SYN3: variants seen among roughly 807,000 people sequenced by gnomAD.
The protein encoded by SYN3 is synapsin-3.
In SYN3, 35 loss-of-function variants were observed where a neutral mutation model predicts 65.8. The ratio of observed to expected loss-of-function variants is 0.53; its 90% CI spans 0.41 to 0.70. SYN3 has a LOEUF of 0.70. Among genes scored for constraint, SYN3 ranks in the 30% least tolerant of loss-of-function variants. SYN3 has a pLI of 0.00. For missense variants in SYN3, 680 were observed against 749.0 expected, an observed-to-expected ratio of 0.91 and a Z score of 1.08; for synonymous variants, 270 against 292.9, an observed-to-expected ratio of 0.92 and a Z score of 0.80.
chr22:32,958,964 G>A lies in SYN3; in HGVS notation c.369+21681C>T, dbSNP rs780284926. Reference sequence around the variant, plus strand: ...TCCCAGCACTTTGAGAGGCTGAGGCGGGTGGATGACTTGAGGTCAAGAGTT... The same window carrying A: ...TCCCAGCACTTTGAGAGGCTGAGGCAGGTGGATGACTTGAGGTCAAGAGTT... On this transcript the variant is annotated intron_variant, in intron 3 of 13. Transcript: ENST00000358763. Among the ~76,000 whole-genome samples, 8 of 152,148 alleles carry A rather than the reference G, an allele frequency of 5.3e-5. 1 individual carries two copies. The highest frequency in any genetic ancestry group is 1.3e-4 in the Admixed American group (2 of 15,288).
At chr22:32,778,554 A>C (rs1415176848) in intron 6 of SYN3, among the ~76,000 whole-genome samples, 1 of 152,180 alleles carries the variant, frequency 6.6e-6, no homozygotes, top group African/African-American at 2.4e-5. Flanking sequence ...GGCCTCCCAA[A>C]GTGCTGGGAT....
At chr22:32,739,421 TCAGCAG>T (rs2061377147) in intron 6 of SYN3, among the ~76,000 whole-genome samples, 1 of 151,434 alleles carries the variant, frequency 6.6e-6, no homozygotes, top group Non-Finnish European at 1.5e-5. Flanking sequence ...TATGTCTTTA[TCAGCAG>T]TGTGAAAATG....
intron 6 of SYN3, among the ~76,000 whole-genome samples, chr22:32,760,615 C>T (rs984378297): frequency 6.6e-6 from 1 of 152,160 alleles, no homozygotes; most frequent in African/African-American, 2.4e-5. Flanking sequence ...ACCAGCCTCC[C>T]ACCGTCTACC....
intron 6 of SYN3, among the ~76,000 whole-genome samples, chr22:32,601,226 A>C (rs923534475): frequency 1.3e-5 from 2 of 152,134 alleles, no homozygotes; most frequent in African/African-American, 4.8e-5. Context: ...AATTCATCCA[A>C]AGCAATGGAT....
At chr22:32,871,427 G>A (rs2048846226) in intron 4 of SYN3, among the ~76,000 whole-genome samples, 1 of 152,044 alleles carries the variant, frequency 6.6e-6, no homozygotes, top group African/African-American at 2.4e-5. Context: ...TGTCTTTACG[G>A]ATTTGGAAAT....
chr22:32,622,787 G>A (rs571124809), intron 6 of SYN3, among the ~76,000 whole-genome samples: 1 of 151,638 alleles, frequency 6.6e-6, no homozygotes, highest in African/African-American at 2.4e-5. Context: ...TGCAGGGAGA[G>A]GCTTCAAGCT....
At chr22:32,711,804 A>C (rs1241542473) in intron 6 of SYN3, among the ~76,000 whole-genome samples, 1 of 152,230 alleles carries the variant, frequency 6.6e-6, no homozygotes, top group Non-Finnish European at 1.5e-5. Context: ...GCATTTCTTG[A>C]ATAATACCAA....
chr22:32,753,152 G>C (rs778283617), intron 6 of SYN3, among the ~76,000 whole-genome samples: 4 of 152,116 alleles, frequency 2.6e-5, no homozygotes, highest in Non-Finnish European at 5.9e-5. Context: ...ATCTCTGCCT[G>C]AGCTCTCCTT....
chr22:32,817,610 A>G (rs2146036202), intron 6 of SYN3, among the ~76,000 whole-genome samples: 1 of 152,308 alleles, frequency 6.6e-6, no homozygotes, highest in South Asian at 2.1e-4. Flanking sequence ...AAAAGGAGGA[A>G]GGGAAGGCTG....
chr22:32,522,855 A>G (rs2057910455), intron 12 of SYN3, among the ~76,000 whole-genome samples: 4 of 152,170 alleles, frequency 2.6e-5, no homozygotes, highest in Admixed American at 2.6e-4. Context: ...CTTGCCTAAC[A>G]CTGCAAAGGC....
intron 3 of SYN3, among the ~76,000 whole-genome samples, chr22:32,965,657 G>A (rs1166817112): frequency 6.6e-6 from 1 of 151,976 alleles, no homozygotes; most frequent in Non-Finnish European, 1.5e-5. Flanking sequence ...TAGATGTTAA[G>A]TTCCATCAGG....
intron 2 of SYN3, among the ~76,000 whole-genome samples, chr22:32,991,622 G>A (rs986738864): frequency 2.6e-5 from 4 of 152,078 alleles, no homozygotes; most frequent in African/African-American, 7.2e-5. Context: ...TCTTATAGCA[G>A]GGAAATATTT....
chr22:32,998,791 A>AAAAAAAAAAAAAC (rs1569393622), intron 2 of SYN3, among the ~76,000 whole-genome samples: 4 of 142,324 alleles, frequency 2.8e-5, no homozygotes, highest in African/African-American at 5.1e-5. Flanking sequence ...AAAAAAAAAA[A>AAAAAAAAAAAAAC]AAAAAAAACA....
intron 6 of SYN3, 182 bp downstream of exon 6, chr22:32,864,733 G>GGA: frequency 1.8e-6 from 1 of 569,294 alleles, no homozygotes; most frequent in Admixed American, 2.7e-5. Context: ...AATTTCACCT[G>GGA]GAGAGACGAC....
intron 1 of SYN3, among the ~76,000 whole-genome samples, chr22:33,054,005 C>G (rs147421294): frequency 1.2e-4 from 18 of 152,240 alleles, no homozygotes; most frequent in African/African-American, 4.1e-4. Flanking sequence ...CTCACAGGAA[C>G]GAACTGATTT....
intron 4 of SYN3, among the ~76,000 whole-genome samples, chr22:32,871,688 C>G (rs9621584): frequency 0.27 from 41,304 of 151,850 alleles, 5,857 homozygotes; most frequent in African/African-American, 0.34. Flanking sequence ...ACTCACTGCA[C>G]CCTCAAACTC....
chr22:33,011,690 C>T (rs2053355628), intron 1 of SYN3, among the ~76,000 whole-genome samples: 1 of 151,998 alleles, frequency 6.6e-6, no homozygotes, highest in Non-Finnish European at 1.5e-5. Context: ...AACAGTGAAA[C>T]CATCTGGGGT....
At chr22:32,678,467 C>T (rs939548805) in intron 6 of SYN3, among the ~76,000 whole-genome samples, 2 of 152,196 alleles carry the variant, frequency 1.3e-5, no homozygotes, top group African/African-American at 4.8e-5. Context: ...ACTCTAACCA[C>T]ATATCTGTCC....
At chr22:33,033,578 C>T (rs1019544773) in intron 1 of SYN3, among the ~76,000 whole-genome samples, 2 of 152,200 alleles carry the variant, frequency 1.3e-5, no homozygotes, top group African/African-American at 4.8e-5. Context: ...CCTTCTCACT[C>T]AGCCCCCTAG....
Sources: gnomAD v4.1 joint callset for allele counts (sites outside exome capture counted in the v4.1 genomes callset) on GRCh38, gnomAD v4.1.1 for gene constraint, MANE v1.5 for transcripts, NCBI Gene and HGNC (gene_info 2026-07-23, HGNC 2026-07-21) for gene names.